EVI5: variants seen among roughly 807,000 people sequenced by gnomAD.
EVI5 encodes the protein ecotropic viral integration site 5, also known as ecotropic viral integration site 5 protein homolog.
EVI5 carries 73 observed loss-of-function variants against 112.0 expected under a neutral mutation model. The observed-to-expected ratio is 0.65, with a 90% CI of 0.54 to 0.79. EVI5 has a LOEUF of 0.79. Ranked by LOEUF, EVI5 falls within the 30% of genes least tolerant of loss-of-function variation. The probability of loss-of-function intolerance (pLI) is 0.00; values close to 1 mark genes in which losing one functional copy is unlikely to be tolerated. For synonymous variants in EVI5, 305 were observed against 319.9 expected (o/e 0.95, Z 0.50); for missense variants, 900 against 968.8 (o/e 0.93, Z 0.94).
At chr1:92,707,893 C>T (rs1278219623) in intron 2 of EVI5, among the ~76,000 whole-genome samples, 1 of 152,104 alleles carries the variant, frequency 6.6e-6, no homozygotes, top group African/African-American at 2.4e-5. Context: ...GTGGTACATT[C>T]ATTCAGTGTG....
chr1:92,549,321 TC>T (rs542646192), intron 19 of EVI5, among the ~76,000 whole-genome samples: 1,937 of 152,264 alleles, frequency 0.013, 48 homozygotes, highest in African/African-American at 0.043. Context: ...CTGGATCCCT[TC>T]CTTACACCTT....
intron 19 of EVI5, among the ~76,000 whole-genome samples, chr1:92,557,338 C>A (rs1485015724): frequency 6.6e-6 from 1 of 151,816 alleles, no homozygotes; most frequent in African/African-American, 2.4e-5. Flanking sequence ...GGCTGGAGTG[C>A]AGTGGTGAGA....
intron 18 of EVI5, among the ~76,000 whole-genome samples, chr1:92,601,254 T>C (rs887681171): frequency 6.6e-6 from 1 of 152,160 alleles, no homozygotes; most frequent in Non-Finnish European, 1.5e-5. Flanking sequence ...CAGTAAGTGC[T>C]GGAGAGGATG....
intron 19 of EVI5, among the ~76,000 whole-genome samples, chr1:92,524,887 G>A (rs368004959): frequency 6.9e-5 from 10 of 145,292 alleles, no homozygotes; most frequent in African/African-American, 1.5e-4. Flanking sequence ...GTGCAGTGGC[G>A]TGATCTCAGT....
intron 10 of EVI5, among the ~76,000 whole-genome samples, chr1:92,675,350 A>G (rs1042397301): frequency 6.6e-6 from 1 of 152,236 alleles, no homozygotes; most frequent in African/African-American, 2.4e-5. Context: ...GTCTAAAAGA[A>G]AAGAAAATAC....
intron 14 of EVI5, among the ~76,000 whole-genome samples, chr1:92,633,121 T>G (rs953494521): frequency 3.3e-5 from 5 of 152,250 alleles, no homozygotes; most frequent in African/African-American, 1.2e-4. Context: ...GAGTAGGTGT[T>G]GTGTGCTGCT....
At chr1:92,616,077 A>AT (rs982341781) in intron 16 of EVI5, among the ~76,000 whole-genome samples, 1 of 152,162 alleles carries the variant, frequency 6.6e-6, no homozygotes, top group African/African-American at 2.4e-5. Context: ...GGACTAGAAG[A>AT]TGGCCCACTG....
intron 18 of EVI5, among the ~76,000 whole-genome samples, chr1:92,594,137 G>C (rs1319648665): frequency 3.3e-5 from 5 of 152,168 alleles, no homozygotes; most frequent in Admixed American, 2.6e-4. Flanking sequence ...AAAAAAGCTG[G>C]AGGCACCATC....
chr1:92,585,300 T>G (rs1287655001), intron 18 of EVI5, among the ~76,000 whole-genome samples: 1 of 151,872 alleles, frequency 6.6e-6, no homozygotes, highest in Non-Finnish European at 1.5e-5. Flanking sequence ...AAGATCAGCC[T>G]GAGCAACATA....
At chr1:92,782,630 C>T (rs1473578744) in intron 1 of EVI5, among the ~76,000 whole-genome samples, 2 of 152,130 alleles carry the variant, frequency 1.3e-5, no homozygotes, top group African/African-American at 2.4e-5. Context: ...GTGGGGTAAC[C>T]GGAACATTCC....
chr1:92,548,119 T>G (rs577631940), intron 19 of EVI5, among the ~76,000 whole-genome samples: 56 of 152,268 alleles, frequency 3.7e-4, no homozygotes, highest in South Asian at 1.4e-3. Context: ...GCAAACCAAA[T>G]CCAGCAGCAC....
intron 13 of EVI5, among the ~76,000 whole-genome samples, chr1:92,644,956 T>C (rs754430946): frequency 2.0e-5 from 3 of 152,194 alleles, no homozygotes; most frequent in African/African-American, 4.8e-5. Context: ...AAATCTTCCA[T>C]GTATGTTTGA....
intron 1 of EVI5, among the ~76,000 whole-genome samples, chr1:92,758,371 C>A (rs1558213893): frequency 6.6e-6 from 1 of 152,036 alleles, no homozygotes; most frequent in Non-Finnish European, 1.5e-5. Flanking sequence ...GAGTTCAAGA[C>A]CAGCTTGGGC....
chr1:92,655,158 C>T (rs1390452467), intron 13 of EVI5, among the ~76,000 whole-genome samples: 4 of 151,732 alleles, frequency 2.6e-5, no homozygotes, highest in Admixed American at 2.6e-4. Context: ...AGAAGGACTT[C>T]ACCAACACAT....
At chr1:92,535,332 T>C (rs780007353) in intron 19 of EVI5, among the ~76,000 whole-genome samples, 61 of 152,184 alleles carry the variant, frequency 4.0e-4, no homozygotes, top group Non-Finnish European at 5.6e-4. Flanking sequence ...AGTTCAACCA[T>C]TGTGGAAGTC....
At chr1:92,687,324 A>G (rs188235304) in intron 9 of EVI5, among the ~76,000 whole-genome samples, 53 of 152,320 alleles carry the variant, frequency 3.5e-4, no homozygotes, top group African/African-American at 1.2e-3. Flanking sequence ...TGCTGGGAAA[A>G]CTGGCTAGCT....
At chr1:92,558,226 G>A (rs1017642145) in intron 19 of EVI5, among the ~76,000 whole-genome samples, 1 of 152,146 alleles carries the variant, frequency 6.6e-6, no homozygotes, top group Non-Finnish European at 1.5e-5. Context: ...AAGGTTGGGA[G>A]AACTTCAGAA....
intron 9 of EVI5, among the ~76,000 whole-genome samples, chr1:92,689,192 C>G (rs115545501): frequency 3.5e-3 from 535 of 152,226 alleles, no homozygotes; most frequent in Non-Finnish European, 5.4e-3. Context: ...GGTTAGACTA[C>G]AAATTAGTGT....
chr1:92,567,591 G>C (rs1669693374), intron 18 of EVI5, among the ~76,000 whole-genome samples: 1 of 151,998 alleles, frequency 6.6e-6, no homozygotes. Flanking sequence ...TAGGTTTGTA[G>C]CCTAGGAGAA....
Sources: gnomAD v4.1 joint callset for allele counts (sites outside exome capture counted in the v4.1 genomes callset) on GRCh38, gnomAD v4.1.1 for gene constraint, MANE v1.5 for transcripts, NCBI Gene and HGNC (gene_info 2026-07-23, HGNC 2026-07-21) for gene names.